Variants in SATL1 observed in about 807,000 individuals in gnomAD.
The protein encoded by SATL1 is spermidine/spermine N1-acetyl transferase like 1, also known as spermidine/spermine N(1)-acetyltransferase-like protein 1.
A neutral mutation model predicts 51.8 loss-of-function variants in SATL1; 47 were observed. The ratio of observed to expected loss-of-function variants is 0.91; its 90% CI spans 0.72 to 1.16. The LOEUF is 1.16. SATL1 is among the 50% of genes most tolerant of loss of function. The pLI is 0.00. For synonymous variants in SATL1, 176 were observed against 182.4 expected, an observed-to-expected ratio of 0.97 and a Z score of 0.28; for missense variants, 520 against 526.4, an observed-to-expected ratio of 0.99 and a Z score of 0.12.
In SATL1 at chrX:85,148,994, T is replaced by C. The variant is rs1228626835; in HGVS notation, c.-312-39714A>G. Among the ~76,000 whole-genome samples, 6 of 111,337 alleles carry C rather than the reference T, an allele frequency of 5.4e-5. No individual in the cohort carries two copies. In the East Asian group the frequency reaches 1.7e-3, roughly 31 times the overall value. On this transcript the variant is annotated intron_variant, in intron 2 of 7. Transcript: ENST00000644105. ...TAACTTTAAATGTAAATGGACTAAA[T>C]GCTCCAATGAAAAGACACAGACTGG...
chrX:85,157,761 T>G (rs1313545307), intron 2 of SATL1, among the ~76,000 whole-genome samples: 1 of 111,813 alleles, frequency 8.9e-6, no homozygotes, highest in Non-Finnish European at 1.9e-5. Context: ...AAATTTCCTA[T>G]GGCTAAATCT....
chrX:85,172,928 A>C (rs1927003011), intron 2 of SATL1, among the ~76,000 whole-genome samples: 1 of 111,732 alleles, frequency 8.9e-6, no homozygotes, highest in South Asian at 3.7e-4. Flanking sequence ...AGAATGTTAT[A>C]TTTTGACTAA....
chrX:85,210,411 AAAAAAAAAAAAAGGAG>A (rs1927891081), intron 2 of SATL1: 1 of 106,934 alleles, frequency 9.4e-6, no homozygotes, highest in Non-Finnish European at 1.9e-5. Context: ...AAAAAAAAAA[AAAAAAAAAAAAAGGAG>A]GCACACAGCC....
intron 2 of SATL1, among the ~76,000 whole-genome samples, chrX:85,154,735 G>T (rs1009647688): frequency 8.9e-6 from 1 of 112,428 alleles, no homozygotes; most frequent in African/African-American, 3.2e-5. Context: ...TGCTTAGAAA[G>T]CTGTAAAGCC....
chrX:85,148,243 A>G (rs1329453117), intron 2 of SATL1, among the ~76,000 whole-genome samples: 1 of 111,646 alleles, frequency 9.0e-6, no homozygotes, highest in African/African-American at 3.3e-5. Context: ...GATGAAATGA[A>G]TGAAAGGAAG....
At chrX:85,241,463 A>T (rs1465724586) in intron 1 of SATL1, among the ~76,000 whole-genome samples, 1 of 112,264 alleles carries the variant, frequency 8.9e-6, no homozygotes, top group African/African-American at 3.2e-5. Flanking sequence ...ATAGAAAAAA[A>T]TGAATGCTTT....
chrX:85,240,369 T>C (rs767895330), intron 1 of SATL1, among the ~76,000 whole-genome samples: 1 of 112,073 alleles, frequency 8.9e-6, no homozygotes, highest in East Asian at 2.8e-4. Context: ...AACTCCTTAA[T>C]AAACTTTTTC....
At chrX:85,170,788 GA>G (rs1347857172) in intron 2 of SATL1, among the ~76,000 whole-genome samples, 1 of 111,618 alleles carries the variant, frequency 9.0e-6, no homozygotes, top group Admixed American at 9.5e-5. Context: ...GAGACAAAAA[GA>G]AAGAAGTTAG....
At chrX:85,202,354 G>A (rs1340125720) in intron 2 of SATL1, among the ~76,000 whole-genome samples, 1 of 111,805 alleles carries the variant, frequency 8.9e-6, no homozygotes, top group Non-Finnish European at 1.9e-5. Flanking sequence ...GTTGCTCTTG[G>A]TGTCTTTGAA....
intron 2 of SATL1, among the ~76,000 whole-genome samples, chrX:85,134,288 A>G (rs1925893841): frequency 9.0e-6 from 1 of 111,217 alleles, no homozygotes. Flanking sequence ...GAGACATTAA[A>G]CCTAAAATGA....
chrX:85,107,855 T>C lies in SATL1; in HGVS notation c.1114A>G (p.Asn372Asp). ...ACTGGTTGGCTTATACCTGATTGGT[T>C]TGTGCCTGCTTGGCTCGTGCTTGAT... is the stretch of plus-strand genomic sequence containing the variant. ...RQSSTSQAGT[N>D]QSGISQPVMW... Residue 372 changes from asparagine to aspartate, a missense_variant, in exon 3 of 8, where the codon AAC becomes GAC. Asn to Asp is a conservative substitution (Grantham distance 23, BLOSUM62 1). This residue lies in a region of SATL1 where 488 missense variants were observed against 474.3 expected (regional missense o/e 1.03). Coordinates refer to ENST00000644105, the MANE Select transcript of SATL1 (RefSeq NM_001367857.2). 8.3e-7 allele frequency: 1 copy of C among 1,211,605 alleles called. No individual in the cohort carries two copies. Among genetic ancestry groups the C allele is most frequent in the Non-Finnish European group, 1.1e-6 (1 of 895,527 alleles).
rs748867418 is a variant in SATL1 at position 85,174,325 on chromosome X, C to CT, written c.-313+49879dup. Among the ~76,000 whole-genome samples the CT allele has an allele frequency of 1.2e-3, 119 of 101,072 alleles. No homozygotes were observed. The East Asian group carries it at 0.019, about 16-fold the overall frequency. The allele number at this position is 101,072 out of a possible 115,157, so 87.8% of individuals were successfully genotyped here. The stretch of plus-strand genomic sequence containing the variant: ...AAGTATAAGACCTGTATGGATAAAA[C>CT]TTTTTTTTTTTTTTGAGATGGAGTC... On this transcript the variant is annotated intron_variant, in intron 2 of 7. Coordinates refer to ENST00000644105, the MANE Select transcript of SATL1 (RefSeq NM_001367857.2).
At chrX:85,220,225 G>A (rs1398254109) in intron 2 of SATL1, among the ~76,000 whole-genome samples, 2 of 110,279 alleles carry the variant, frequency 1.8e-5, no homozygotes, top group Non-Finnish European at 3.8e-5. Flanking sequence ...CTAGCCAGAG[G>A]GGAATCTTGT....
intron 2 of SATL1, among the ~76,000 whole-genome samples, chrX:85,223,314 G>T (rs1200943727): frequency 9.0e-6 from 1 of 111,207 alleles, no homozygotes; most frequent in African/African-American, 3.3e-5. Flanking sequence ...GGTAGTGTTG[G>T]GTAAGTGCCT....
In SATL1 at chrX:85,232,114, A is replaced by G. The variant is rs189741341; in HGVS notation, c.-434-7788T>C. ...CAGCTCACCCACCTTAGGAGAGAGC[A>G]CTGAGCCAAGTTGTGAGGCCCCATT... is the stretch of plus-strand genomic sequence containing the variant. On this transcript the variant is annotated intron_variant, in intron 1 of 7. Transcript: ENST00000644105. Among the ~76,000 whole-genome samples the G allele has an allele frequency of 3.7e-3, 402 of 108,968 alleles. 5 individuals are homozygous for G. Among genetic ancestry groups the G allele is most frequent in the Admixed American group, 0.034 (339 of 10,092 alleles). 94.6% of individuals were successfully genotyped at this position (108,968 alleles called of 115,157 possible). A position where few individuals can be genotyped will look rare whatever the true frequency, so the allele number is the denominator to read the frequency against.
At chrX:85,155,203 A>G (rs938523570) in intron 2 of SATL1, among the ~76,000 whole-genome samples, 2 of 111,789 alleles carry the variant, frequency 1.8e-5, no homozygotes, top group East Asian at 2.8e-4. Context: ...GGAGAATTCC[A>G]TATCACCATT....
chrX:85,119,388 G>T (rs1454680202), intron 2 of SATL1, among the ~76,000 whole-genome samples: 5 of 111,560 alleles, frequency 4.5e-5, no homozygotes, highest in African/African-American at 1.6e-4. Flanking sequence ...GATTGAGCCA[G>T]GTTCCAGATT....
chrX:85,194,415 G>A (rs1404406312), intron 2 of SATL1, among the ~76,000 whole-genome samples: 1 of 111,185 alleles, frequency 9.0e-6, no homozygotes, highest in Non-Finnish European at 1.9e-5. Context: ...TGTGATCGTG[G>A]CCTAGTAGTA....
chrX:85,116,621 G>T (rs1166997365), intron 2 of SATL1, among the ~76,000 whole-genome samples: 2 of 111,367 alleles, frequency 1.8e-5, no homozygotes, highest in Non-Finnish European at 3.8e-5. Context: ...TAATGTGTAT[G>T]CTTGAGCCCA....
Sources: gnomAD v4.1 joint callset for allele counts (sites outside exome capture counted in the v4.1 genomes callset) on GRCh38, gnomAD v4.1.1 for gene constraint, gnomAD v4.1.1 regional missense constraint, MANE v1.5 for transcripts, NCBI Gene and HGNC (gene_info 2026-07-23, HGNC 2026-07-21) for gene names.